Variants in SLCO2A1 observed in about 807,000 individuals in gnomAD.
SLCO2A1 encodes matrin F/G 1.
A neutral mutation model predicts 71.7 loss-of-function variants in SLCO2A1; 60 were observed. The observed-to-expected ratio is 0.84, with a 90% CI of 0.68 to 1.04. The LOEUF is 1.04. Ranked by LOEUF, SLCO2A1 falls within the 50% of genes least tolerant of loss-of-function variation. SLCO2A1 has a pLI of 0.00. For missense variants in SLCO2A1, 745 were observed against 813.4 expected, an observed-to-expected ratio of 0.92 and a Z score of 1.02; for synonymous variants, 308 against 326.7, an observed-to-expected ratio of 0.94 and a Z score of 0.62.
chr3:133,940,057 T>C (rs1015605397), intron 11 of SLCO2A1, among the ~76,000 whole-genome samples: 12 of 150,374 alleles, frequency 8.0e-5, no homozygotes, highest in Non-Finnish European at 1.5e-4. Context: ...AACCTCCACT[T>C]CCCAGGTTCA....
At chr3:134,025,901 T>C (rs1206801576) in intron 1 of SLCO2A1, among the ~76,000 whole-genome samples, 2 of 152,204 alleles carry the variant, frequency 1.3e-5, no homozygotes, top group Non-Finnish European at 2.9e-5. Flanking sequence ...CTTTCTATGA[T>C]GAACTAAATG....
Position 133,961,047 on chromosome 3 carries a change from G to A in SLCO2A1, c.398-5854C>T, listed in dbSNP as rs75910183. Reference sequence around the variant, plus strand: ...AGGCCTGGCTGCCCCTGGAGGACTTGTGCATGATGGGAAGGGGCCTGGATT... The same window carrying A: ...AGGCCTGGCTGCCCCTGGAGGACTTATGCATGATGGGAAGGGGCCTGGATT... On this transcript the variant is annotated intron_variant, in intron 3 of 13. Transcript: ENST00000310926. 3.3e-3 allele frequency among the ~76,000 whole-genome samples: 496 copies of A among 152,128 alleles called. 5 individuals carry two copies. The highest frequency in any genetic ancestry group is 0.012 in the African/African-American group (484 of 41,502).
chr3:134,006,076 A>G (rs1301210373), intron 1 of SLCO2A1, among the ~76,000 whole-genome samples: 1 of 152,080 alleles, frequency 6.6e-6, no homozygotes, highest in East Asian at 1.9e-4. Context: ...TATTAATACT[A>G]TTTTTTGAGA....
In SLCO2A1 at chr3:133,973,899, C is replaced by T. The variant is rs4241362; in HGVS notation, c.235-74G>A. 0.86 allele frequency: 1,226,782 copies of T among 1,431,344 alleles called. 526,863 individuals carry two copies. Among genetic ancestry groups the T allele is most frequent in the East Asian group, 0.99 (40,330 of 40,734 alleles). The allele number at this position is 1,431,344 out of a possible 1,614,324, so 88.7% of individuals were successfully genotyped here. A position where few individuals can be genotyped will look rare whatever the true frequency, so the allele number is the denominator to read the frequency against. On this transcript the variant is annotated intron_variant, in intron 2 of 13. Transcript: ENST00000310926. ...CCCACCCACAGAGAAGACCCGATCA[C>T]ACTTCATCCAGGAAAACTGGAAAGG...
intron 3 of SLCO2A1, among the ~76,000 whole-genome samples, chr3:133,962,254 A>G (rs1414182768): frequency 6.6e-6 from 1 of 151,878 alleles, no homozygotes; most frequent in Non-Finnish European, 1.5e-5. Context: ...AAATTTTTGT[A>G]TTTTTAGTAC....
Position 133,948,656 on chromosome 3 carries a change from C to T in SLCO2A1, c.985G>A (p.Val329Ile), listed in dbSNP as rs747430364. ...FLRLLMNSLF[V>I]LVVLAQCTFS... ...GTGCACTGGGCCAGGACCACCAGGA[C>T]GAAGAGTGAGTTCATCAGGAGCCTC... Residue 329 changes from valine to isoleucine, a missense_variant, in exon 8 of 14, where the codon GTC becomes ATC. Physicochemically the swap from Val to Ile is conservative, Grantham distance 29 (BLOSUM62 3). Transcript: ENST00000310926. 23 of 1,614,018 alleles carry T rather than the reference C, an allele frequency of 1.4e-5. No individual in the cohort carries two copies. Among genetic ancestry groups the T allele is most frequent in the Non-Finnish European group, 1.4e-5 (17 of 1,180,000 alleles).
At chr3:133,982,689 C>T (rs1934621444) in intron 1 of SLCO2A1, among the ~76,000 whole-genome samples, 1 of 152,126 alleles carries the variant, frequency 6.6e-6, no homozygotes, top group South Asian at 2.1e-4. Flanking sequence ...TGGAGCCCTG[C>T]CTCTTCTACT....
chr3:134,011,626 G>T (rs533207489), intron 1 of SLCO2A1, among the ~76,000 whole-genome samples: 1 of 152,334 alleles, frequency 6.6e-6, no homozygotes, highest in South Asian at 2.1e-4. Flanking sequence ...ACCCTGCGGG[G>T]TGCAGCCCTG....
At chr3:134,009,010 C>T in intron 1 of SLCO2A1, among the ~76,000 whole-genome samples, 1 of 152,166 alleles carries the variant, frequency 6.6e-6, no homozygotes, top group Admixed American at 6.5e-5. Context: ...CTTGGTCCAC[C>T]CTCAGGTAAT....
At position 133,933,965 on chromosome 3, in the gene SLCO2A1, C is replaced by G. The variant is rs1933204536; in HGVS notation, c.*748G>C. 6.6e-6 allele frequency: 1 copy of G among 152,332 alleles called. No individual in the cohort carries two copies. The highest frequency in any genetic ancestry group is 1.5e-5 in the Non-Finnish European group (1 of 68,050). 9.4% of individuals were successfully genotyped at this position (152,332 alleles called of 1,614,324 possible). On this transcript the variant is annotated 3_prime_UTR_variant, in exon 14 of 14. Transcript: ENST00000310926. ...CAGTTTGAAACGTACCCCAGAAAGA[C>G]AGGGATAACATGTGAGGATCTAAGG...
At chr3:133,977,691 C>A (rs538841405) in intron 2 of SLCO2A1, among the ~76,000 whole-genome samples, 4 of 152,148 alleles carry the variant, frequency 2.6e-5, no homozygotes, top group African/African-American at 9.7e-5. Flanking sequence ...GGTCATGAAA[C>A]AAGACCGTGG....
intron 1 of SLCO2A1, among the ~76,000 whole-genome samples, chr3:133,994,210 G>A (rs189455779): frequency 2.1e-4 from 32 of 152,176 alleles, no homozygotes; most frequent in African/African-American, 6.3e-4. Flanking sequence ...ATAAATATTC[G>A]CTGAATAAAG....
chr3:133,987,871 A>G (rs1934752949), intron 1 of SLCO2A1, among the ~76,000 whole-genome samples: 1 of 152,220 alleles, frequency 6.6e-6, no homozygotes, highest in Non-Finnish European at 1.5e-5. Flanking sequence ...AACTGATTCT[A>G]TCCCTAAATG....
chr3:134,017,858 G>A (rs2108077703), intron 1 of SLCO2A1, among the ~76,000 whole-genome samples: 1 of 152,298 alleles, frequency 6.6e-6, no homozygotes, highest in Admixed American at 6.5e-5. Flanking sequence ...AAGGCAAAGG[G>A]AAGCCACGTG....
intron 8 of SLCO2A1, among the ~76,000 whole-genome samples, chr3:133,947,700 G>A (rs1245329618): frequency 6.6e-6 from 1 of 152,204 alleles, no homozygotes; most frequent in African/African-American, 2.4e-5. Flanking sequence ...CTTAAGAGAT[G>A]TGGGTTGAAT....
chr3:134,023,960 A>G (rs1005695220), intron 1 of SLCO2A1, among the ~76,000 whole-genome samples: 1 of 152,208 alleles, frequency 6.6e-6, no homozygotes, highest in Non-Finnish European at 1.5e-5. Flanking sequence ...TCAGCCCCCA[A>G]AGGCCATCCA....
At chr3:133,944,770 G>A (rs1011122765) in intron 10 of SLCO2A1, among the ~76,000 whole-genome samples, 2 of 152,232 alleles carry the variant, frequency 1.3e-5, no homozygotes, top group Admixed American at 6.5e-5. Flanking sequence ...ATGCCCATGA[G>A]GATCTCTCAG....
intron 4 of SLCO2A1, among the ~76,000 whole-genome samples, chr3:133,954,341 TA>T (rs1463861843): frequency 1.3e-5 from 2 of 152,016 alleles, no homozygotes; most frequent in Admixed American, 1.3e-4. Context: ...TTTTTATTTT[TA>T]ATAGAGACGG....
At position 133,937,986 on chromosome 3, in the gene SLCO2A1, G is replaced by C. The variant is rs566270108; in HGVS notation, c.1690+443C>G. 7.2e-5 allele frequency among the ~76,000 whole-genome samples: 11 copies of C among 152,344 alleles called. No individual in the cohort carries two copies. In the South Asian group the frequency reaches 1.9e-3, roughly 26 times the overall value. ...GCTTGAGGGCAGGCAGGACTCACCA[G>C]CAGAGGACCCCACAGGGAAGAAACT... On this transcript the variant is annotated intron_variant, in intron 12 of 13. Transcript: ENST00000310926.
Sources: gnomAD v4.1 joint callset for allele counts (sites outside exome capture counted in the v4.1 genomes callset) on GRCh38, gnomAD v4.1.1 for gene constraint, MANE v1.5 for transcripts, NCBI Gene and HGNC (gene_info 2026-07-23, HGNC 2026-07-21) for gene names.